CCDC85C: variants seen among roughly 807,000 people sequenced by gnomAD.
CCDC85C encodes coiled-coil domain containing 85C, also known as coiled-coil domain-containing protein 85C.
A neutral mutation model predicts 38.3 loss-of-function variants in CCDC85C; 18 were observed. The observed-to-expected ratio is 0.47, with a 90% CI of 0.33 to 0.70. The LOEUF (loss-of-function observed/expected upper bound fraction) is 0.70, where lower values mean the gene tolerates loss of function less well. Among genes scored for constraint, CCDC85C ranks in the 30% least tolerant of loss-of-function variants. The pLI is 0.03. For synonymous variants in CCDC85C, 264 were observed against 293.8 expected (o/e 0.90, Z 1.04); for missense variants, 566 against 621.2 (o/e 0.91, Z 0.94).
In CCDC85C at chr14:99,536,052, T is replaced by G. The variant is rs1301016071; in HGVS notation, c.830A>C (p.Lys277Thr). Residue 277 changes from lysine to threonine, a missense_variant, in exon 2 of 6, where the codon AAA (lysine) becomes ACA (threonine). By Grantham distance (78) the Lys-to-Thr change is moderately conservative. Coordinates refer to ENST00000380243, the MANE Select transcript of CCDC85C (RefSeq NM_001144995.2). ...CTTGTCACCCTCCAGCAGCCTCACT[T>G]TGCTCTCCAGTTGCCTGATGTAGGT... is the stretch of plus-strand genomic sequence containing the variant. ...SSTYIRQLES[K>T]VRLLEGDKLL... 1.9e-5 allele frequency: 30 copies of G among 1,551,550 alleles called. No homozygotes were observed. The highest frequency in any genetic ancestry group is 2.5e-5 in the Non-Finnish European group (29 of 1,146,924).
Position 99,501,656 on chromosome 14 carries a change from T to G in CCDC85C, c.*13590A>C. ...GAAATTTTATCACCAGTCTGAAACA[T>G]AAGTCCAAAACAATACACTGGAGAA... On this transcript the variant is annotated 3_prime_UTR_variant, in exon 6 of 6. Transcript: ENST00000380243. The G allele has an allele frequency of 1.9e-6, 1 of 518,500 alleles. No homozygotes were observed. 32.1% of individuals were successfully genotyped at this position (518,500 alleles called of 1,614,324 possible).
In CCDC85C at chr14:99,501,054, C is replaced by T. The variant is rs1896812218; in HGVS notation, c.*14192G>A. Reference sequence around the variant, plus strand: ...AATGCTGTTTCCTTTTATGTATAAACAGGCTCTGTCATCCAGTTGCCAAGT... The same window carrying T: ...AATGCTGTTTCCTTTTATGTATAAATAGGCTCTGTCATCCAGTTGCCAAGT... On this transcript the variant is annotated 3_prime_UTR_variant, in exon 6 of 6. Transcript: ENST00000380243. The T allele has an allele frequency of 5.0e-6, 3 of 605,862 alleles. No individual in the cohort carries two copies. Among genetic ancestry groups the T allele is most frequent in the Non-Finnish European group, 8.7e-6 (3 of 344,372 alleles). 37.5% of individuals were successfully genotyped at this position (605,862 alleles called of 1,614,324 possible). A position where few individuals can be genotyped will look rare whatever the true frequency, so the allele number is the denominator to read the frequency against.
At chr14:99,531,211 T>C (rs1897486184) in intron 2 of CCDC85C, among the ~76,000 whole-genome samples, 1 of 152,114 alleles carries the variant, frequency 6.6e-6, no homozygotes, top group African/African-American at 2.4e-5. Flanking sequence ...GACCCCAGCC[T>C]CGCTCCCCAA....
At position 99,510,770 on chromosome 14, in the gene CCDC85C, C is replaced by G. The variant is rs760860666; in HGVS notation, c.*4476G>C. ...CAGTTGGGGGGCTGGGGCGGGCAGC[C>G]TGGATGAGATAACGTGAGCCTTTTT... On this transcript the variant is annotated 3_prime_UTR_variant, in exon 6 of 6. Transcript: ENST00000380243. 43 of 1,457,318 alleles carry G rather than the reference C, an allele frequency of 3.0e-5. No homozygotes were observed. The highest frequency in any genetic ancestry group is 3.4e-5 in the Non-Finnish European group (38 of 1,106,574). The allele number at this position is 1,457,318 out of a possible 1,614,324, so 90.3% of individuals were successfully genotyped here.
chr14:99,595,514 G>T (rs142523994), intron 1 of CCDC85C, among the ~76,000 whole-genome samples: 110 of 152,214 alleles, frequency 7.2e-4, no homozygotes, highest in Admixed American at 1.0e-3. Context: ...TTCTTTCTGC[G>T]AAGCCTGGTC....
At chr14:99,562,637 A>AC (rs1174150917) in intron 1 of CCDC85C, among the ~76,000 whole-genome samples, 1 of 152,140 alleles carries the variant, frequency 6.6e-6, no homozygotes, top group Non-Finnish European at 1.5e-5. Context: ...AGGACAGGGA[A>AC]CCCCCAACCT....
chr14:99,585,725 C>A (rs1297763902), intron 1 of CCDC85C, among the ~76,000 whole-genome samples: 1 of 152,158 alleles, frequency 6.6e-6, no homozygotes, highest in Admixed American at 6.5e-5. Flanking sequence ...GCACGACTAG[C>A]GTTCAGATGC....
At chr14:99,566,458 ACCCCT>A (rs1448895845) in intron 1 of CCDC85C, among the ~76,000 whole-genome samples, 1 of 152,046 alleles carries the variant, frequency 6.6e-6, no homozygotes, top group Non-Finnish European at 1.5e-5. Context: ...TCAGGGATAC[ACCCCT>A]GGCCTCCCAC....
chr14:99,593,234 G>T (rs1213456222), intron 1 of CCDC85C, among the ~76,000 whole-genome samples: 4 of 152,262 alleles, frequency 2.6e-5, no homozygotes, highest in Non-Finnish European at 2.9e-5. Context: ...ACAAGAGCGG[G>T]CCTCCTTCTT....
intron 1 of CCDC85C, among the ~76,000 whole-genome samples, chr14:99,549,881 A>G (rs1040659818): frequency 6.6e-6 from 1 of 152,236 alleles, no homozygotes; most frequent in Non-Finnish European, 1.5e-5. Context: ...GGCATGTTGC[A>G]AGAGGAGATA....
At chr14:99,540,884 G>A (rs970169791) in intron 1 of CCDC85C, among the ~76,000 whole-genome samples, 22 of 152,174 alleles carry the variant, frequency 1.4e-4, no homozygotes, top group African/African-American at 4.6e-4. Context: ...CCCCATTGGC[G>A]CTGTGCCGGC....
Position 99,525,467 on chromosome 14 carries a change from G to C in CCDC85C, c.868-3227C>G, listed in dbSNP as rs867505098. ...GGCTGCTTGTTTGGAAAGGATGGGT[G>C]GGGTGGCTGCAGGCAGGAAGCGCCT... On this transcript the variant is annotated intron_variant, in intron 2 of 5. Coordinates refer to ENST00000380243, the MANE Select transcript of CCDC85C (RefSeq NM_001144995.2). Among the ~76,000 whole-genome samples the C allele has an allele frequency of 7.2e-5, 11 of 152,346 alleles. No individual in the cohort carries two copies. The South Asian group carries it at 2.1e-3, about 29-fold the overall frequency.
chr14:99,550,400 C>T (rs1011222036), intron 1 of CCDC85C, among the ~76,000 whole-genome samples: 1 of 152,190 alleles, frequency 6.6e-6, no homozygotes, highest in Non-Finnish European at 1.5e-5. Context: ...AGCGGGCTCT[C>T]CCCTCTGGCC....
At chr14:99,582,003 G>A (rs768352009) in intron 1 of CCDC85C, among the ~76,000 whole-genome samples, 10 of 152,178 alleles carry the variant, frequency 6.6e-5, no homozygotes, top group Non-Finnish European at 1.2e-4. Flanking sequence ...GGGGGAAACC[G>A]AGGCTCAGGA....
At chr14:99,521,993 A>G (rs1341266126) in intron 3 of CCDC85C, 140 bp downstream of exon 3, 2 of 651,214 alleles carry the variant, frequency 3.1e-6, no homozygotes, top group African/African-American at 1.8e-5. Flanking sequence ...GCCACACTGG[A>G]TGGGACACGG....
At chr14:99,582,777 G>A (rs2054987446) in intron 1 of CCDC85C, among the ~76,000 whole-genome samples, 1 of 152,118 alleles carries the variant, frequency 6.6e-6, no homozygotes. Context: ...TTGCGCCTCT[G>A]CACTCCAGCC....
In CCDC85C at chr14:99,544,397, T is replaced by C. The variant is rs1897767963; in HGVS notation, c.794-8309A>G. ...GCCTGGCAAGGAGGCACAGCAACTT[T>C]CACCTACTCCCCCAACAAAGAGACC... On this transcript the variant is annotated intron_variant, in intron 1 of 5. Transcript: ENST00000380243. The surrounding 1 kb of genome is among the most constrained non-coding windows in gnomAD (Gnocchi z 5.3). Among the ~76,000 whole-genome samples, 2 of 152,100 alleles carry C rather than the reference T, an allele frequency of 1.3e-5. 1 individual carries two copies. Among genetic ancestry groups the C allele is most frequent in the South Asian group, 4.1e-4 (2 of 4,826 alleles).
intron 1 of CCDC85C, among the ~76,000 whole-genome samples, chr14:99,583,773 G>A (rs1374913498): frequency 2.7e-5 from 4 of 147,956 alleles, no homozygotes; most frequent in Non-Finnish European, 4.4e-5. Flanking sequence ...GCGTCACTGC[G>A]CTCCAGCCTG....
chr14:99,592,986 G>A (rs1008905405), intron 1 of CCDC85C, among the ~76,000 whole-genome samples: 3 of 152,230 alleles, frequency 2.0e-5, no homozygotes, highest in African/African-American at 4.8e-5. Context: ...TGGCTGGGTG[G>A]GGGGAGCGTC....
Sources: gnomAD v4.1 joint callset for allele counts (sites outside exome capture counted in the v4.1 genomes callset) on GRCh38, gnomAD v4.1.1 for gene constraint, Gnocchi (gnomAD v3.1) non-coding constraint, MANE v1.5 for transcripts, NCBI Gene and HGNC (gene_info 2026-07-23, HGNC 2026-07-21) for gene names.